CDKAL1: variants seen among roughly 807,000 people sequenced by gnomAD.
The protein encoded by CDKAL1 is CDKAL1 threonylcarbamoyladenosine tRNA methylthiotransferase.
A neutral mutation model predicts 68.2 loss-of-function variants in CDKAL1; 32 were observed. The observed-to-expected ratio is 0.47, with a 90% confidence interval of 0.35 to 0.63. The LOEUF is 0.63. Ranked by LOEUF, CDKAL1 falls within the 30% of genes least tolerant of loss-of-function variation. CDKAL1 has a pLI of 0.00. For missense variants in CDKAL1, 606 were observed against 696.7 expected (o/e 0.87, Z 1.47); for synonymous variants, 234 against 244.3 (o/e 0.96, Z 0.39).
chr6:21,176,681 G>T (rs937349238), intron 13 of CDKAL1, among the ~76,000 whole-genome samples: 2 of 141,290 alleles, frequency 1.4e-5, no homozygotes, highest in Non-Finnish European at 3.0e-5. Flanking sequence ...GCTGGATGTT[G>T]GTTTTTTTTT....
chr6:20,988,180 A>ATG (rs1491171083), intron 10 of CDKAL1, among the ~76,000 whole-genome samples: 14 of 34,298 alleles, frequency 4.1e-4, no homozygotes, highest in African/African-American at 8.7e-4. Context: ...AAGAAACATA[A>ATG]TATGTGTGTG....
chr6:20,930,085 T>C (rs558440387), intron 9 of CDKAL1, among the ~76,000 whole-genome samples: 1 of 152,170 alleles, frequency 6.6e-6, no homozygotes, highest in Non-Finnish European at 1.5e-5. Context: ...TGACAAAAAG[T>C]ACCAAGAAAA....
At chr6:20,687,304 G>A (rs1209239967) in intron 5 of CDKAL1, among the ~76,000 whole-genome samples, 1 of 151,974 alleles carries the variant, frequency 6.6e-6, no homozygotes, top group Non-Finnish European at 1.5e-5. Flanking sequence ...TCTGGGCCTG[G>A]TGCTTTCTGT....
chr6:20,596,552 G>T (rs139918831), intron 4 of CDKAL1, among the ~76,000 whole-genome samples: 2,017 of 152,282 alleles, frequency 0.013, 55 homozygotes, highest in African/African-American at 0.046. Context: ...TCAGACTGCT[G>T]TGCTGGCAGT....
At chr6:21,165,003 T>C (rs1777093790) in intron 13 of CDKAL1, among the ~76,000 whole-genome samples, 1 of 152,192 alleles carries the variant, frequency 6.6e-6, no homozygotes, top group South Asian at 2.1e-4. Context: ...TAAGATGTGG[T>C]TAATCAATGT....
chr6:20,824,742 C>T (rs958486894), intron 8 of CDKAL1, among the ~76,000 whole-genome samples: 3 of 152,164 alleles, frequency 2.0e-5, no homozygotes, highest in African/African-American at 7.2e-5. Flanking sequence ...CAGATCCTGC[C>T]TACACGTAGG....
intron 4 of CDKAL1, among the ~76,000 whole-genome samples, chr6:20,616,789 G>C (rs1766924270): frequency 6.6e-6 from 1 of 150,936 alleles, no homozygotes; most frequent in African/African-American, 2.4e-5. Context: ...AGATCATTTA[G>C]CCCAGGAGTT....
At chr6:21,083,938 GA>G (rs1772558750) in intron 12 of CDKAL1, among the ~76,000 whole-genome samples, 1 of 152,206 alleles carries the variant, frequency 6.6e-6, no homozygotes, top group Non-Finnish European at 1.5e-5. Flanking sequence ...GAAGATCTGA[GA>G]AGGTATATGA....
rs186727378 is a variant in CDKAL1, at chr6:21,089,219, C to T, written c.1237-19182C>T. ...GGACGGGTGTGGTGGCTGATGCCCA[C>T]AATCCCAGCACTTCGGGAGGCTGAG... On this transcript the variant is annotated intron_variant, in intron 12 of 15. Coordinates refer to ENST00000274695, the MANE Select transcript of CDKAL1 (RefSeq NM_017774.3). Among the ~76,000 whole-genome samples the T allele has an allele frequency of 9.8e-4, 149 of 151,736 alleles. 2 individuals are homozygous for T. Among genetic ancestry groups the T allele is most frequent in the Admixed American group, 2.2e-3 (33 of 15,258 alleles).
intron 4 of CDKAL1, among the ~76,000 whole-genome samples, chr6:20,624,620 G>T (rs989481625): frequency 2.0e-5 from 3 of 151,852 alleles, no homozygotes; most frequent in African/African-American, 7.3e-5. Flanking sequence ...TCACTGATTA[G>T]ATCTGATGGT....
chr6:21,173,642 G>A (rs565489516), intron 13 of CDKAL1, among the ~76,000 whole-genome samples: 1 of 152,298 alleles, frequency 6.6e-6, no homozygotes, highest in African/African-American at 2.4e-5. Context: ...ATAACTGAAA[G>A]TTTCCTTTCT....
chr6:20,980,901 C>G (rs1233363043), intron 10 of CDKAL1, among the ~76,000 whole-genome samples: 2 of 152,096 alleles, frequency 1.3e-5, no homozygotes, highest in African/African-American at 2.4e-5. Context: ...GTCTACCTAC[C>G]CTTTGCCCAT....
chr6:21,017,412 G>A (rs1204236072), intron 11 of CDKAL1, among the ~76,000 whole-genome samples: 1 of 152,150 alleles, frequency 6.6e-6, no homozygotes, highest in African/African-American at 2.4e-5. Flanking sequence ...CTAGTTCTGG[G>A]TCAAGGGAAG....
chr6:20,540,476 T>A (rs1763347784), intron 2 of CDKAL1, among the ~76,000 whole-genome samples: 1 of 150,244 alleles, frequency 6.7e-6, no homozygotes, highest in Non-Finnish European at 1.5e-5. Context: ...TTTTTTGGGA[T>A]GGTGCTTCGC....
At chr6:21,223,751 G>C (rs1779622021) in intron 15 of CDKAL1, among the ~76,000 whole-genome samples, 1 of 152,212 alleles carries the variant, frequency 6.6e-6, no homozygotes, top group Non-Finnish European at 1.5e-5. Context: ...TTCCCTCGGA[G>C]TCTTGTCTCT....
At chr6:20,557,965 A>G (rs188145971) in intron 4 of CDKAL1, among the ~76,000 whole-genome samples, 61 of 152,186 alleles carry the variant, frequency 4.0e-4, no homozygotes, top group African/African-American at 1.3e-3. Context: ...CAAACAAACA[A>G]ACATCCTTAA....
intron 13 of CDKAL1, among the ~76,000 whole-genome samples, chr6:21,173,332 A>G (rs1336489664): frequency 6.6e-6 from 1 of 152,016 alleles, no homozygotes. Context: ...TCCATGCGTA[A>G]TGGTCTGATC....
chr6:20,649,218 A>G, intron 4 of CDKAL1, 75 bp from the exon 5 acceptor site: 1 of 964,004 alleles, frequency 1.0e-6, no homozygotes, highest in Non-Finnish European at 1.6e-6. Flanking sequence ...TACCGCAGCA[A>G]TCCCAGTGCC....
chr6:21,223,591 A>ACTTC (rs151270787), intron 15 of CDKAL1, among the ~76,000 whole-genome samples: 11,771 of 152,168 alleles, frequency 0.077, 1,296 homozygotes, highest in African/African-American at 0.25. Flanking sequence ...AAACAACATG[A>ACTTC]CTTCCTTCCA....
Sources: gnomAD v4.1 joint callset for allele counts (sites outside exome capture counted in the v4.1 genomes callset) on GRCh38, gnomAD v4.1.1 for gene constraint, MANE v1.5 for transcripts, NCBI Gene and HGNC (gene_info 2026-07-23, HGNC 2026-07-21) for gene names.